GNG12: variants seen among roughly 807,000 people sequenced by gnomAD.
The protein encoded by GNG12 is guanine nucleotide-binding protein G(I)/G(S)/G(O) subunit gamma-12.
For synonymous variants in GNG12, 28 were observed against 29.7 expected (o/e 0.94, Z 0.19); for missense variants, 69 against 83.8 (o/e 0.82, Z 0.69).
In GNG12 at chr1:67,701,989, C is replaced by T. The variant is rs1375869058; in HGVS notation, c.*3462G>A. 1 of 152,696 alleles carries T rather than the reference C, an allele frequency of 6.5e-6. No individual in the cohort carries two copies. Among genetic ancestry groups the T allele is most frequent in the Admixed American group, 6.5e-5 (1 of 15,282 alleles). The allele number at this position is 152,696 out of a possible 1,614,324, so 9.5% of individuals were successfully genotyped here. On this transcript the variant is annotated 3_prime_UTR_variant, in exon 4 of 4. Coordinates refer to ENST00000370982, the MANE Select transcript of GNG12 (RefSeq NM_018841.6). ...CCAAGGCATCTGGGAACAGGAAGGG[C>T]TCTCAGCCATCATCTACTGCAGCCA... is the stretch of plus-strand genomic sequence containing the variant.
intron 1 of GNG12, among the ~76,000 whole-genome samples, chr1:67,793,392 T>C (rs546658887): frequency 6.6e-6 from 1 of 152,236 alleles, no homozygotes; most frequent in South Asian, 2.1e-4. Flanking sequence ...TGTATTTCTT[T>C]AAAGCTTAAA....
At chr1:67,767,243 T>G (rs1646645991) in intron 2 of GNG12, among the ~76,000 whole-genome samples, 1 of 152,166 alleles carries the variant, frequency 6.6e-6, no homozygotes, top group South Asian at 2.1e-4. Context: ...ATGTCACGTG[T>G]GCTGGCTCTG....
intron 1 of GNG12, among the ~76,000 whole-genome samples, chr1:67,794,997 C>A (rs746869280): frequency 6.6e-6 from 1 of 152,140 alleles, no homozygotes; most frequent in African/African-American, 2.4e-5. Flanking sequence ...ACAGAAAATA[C>A]GATACCCATT....
chr1:67,788,351 G>A (rs535168759), intron 1 of GNG12, among the ~76,000 whole-genome samples: 2 of 152,048 alleles, frequency 1.3e-5, no homozygotes, highest in East Asian at 3.9e-4. Context: ...GTTTTGTTTT[G>A]AGACAGTGTC....
intron 2 of GNG12, among the ~76,000 whole-genome samples, chr1:67,723,083 G>A (rs536514922): frequency 5.3e-5 from 8 of 152,280 alleles, no homozygotes; most frequent in African/African-American, 1.9e-4. Flanking sequence ...TAGTGCATGA[G>A]ATTTCAAACA....
At chr1:67,744,916 G>A (rs572714793) in intron 2 of GNG12, among the ~76,000 whole-genome samples, 2 of 152,316 alleles carry the variant, frequency 1.3e-5, no homozygotes, top group African/African-American at 4.8e-5. Flanking sequence ...TTCACAGGCT[G>A]GAGCCAGAAT....
At chr1:67,805,755 A>G (rs1479086019) in intron 1 of GNG12, among the ~76,000 whole-genome samples, 1 of 152,112 alleles carries the variant, frequency 6.6e-6, no homozygotes, top group Non-Finnish European at 1.5e-5. Context: ...TAATGACTGA[A>G]AATTCCCCCA....
chr1:67,741,618 G>C (rs569200497), intron 2 of GNG12, among the ~76,000 whole-genome samples: 1 of 152,164 alleles, frequency 6.6e-6, no homozygotes. Flanking sequence ...CCATCTTTGA[G>C]TCTATAACAA....
chr1:67,756,870 C>T (rs1163766833), intron 2 of GNG12, among the ~76,000 whole-genome samples: 2 of 152,156 alleles, frequency 1.3e-5, no homozygotes, highest in South Asian at 2.1e-4. Context: ...TTCTCTGTAC[C>T]AGGGCTTCTC....
At chr1:67,805,136 T>C (rs187451346) in intron 1 of GNG12, among the ~76,000 whole-genome samples, 1 of 152,316 alleles carries the variant, frequency 6.6e-6, no homozygotes, top group Non-Finnish European at 1.5e-5. Context: ...GGGCAGCACT[T>C]GTGAGTTCAT....
At chr1:67,791,069 AG>A (rs1570551948) in intron 1 of GNG12, among the ~76,000 whole-genome samples, 1 of 152,148 alleles carries the variant, frequency 6.6e-6, no homozygotes, top group East Asian at 1.9e-4. Context: ...GCTCAGGGGA[AG>A]GGTAACACAA....
At chr1:67,734,080 A>G (rs1333696795) in intron 2 of GNG12, among the ~76,000 whole-genome samples, 2 of 152,032 alleles carry the variant, frequency 1.3e-5, no homozygotes, top group African/African-American at 4.8e-5. Flanking sequence ...CTTTTTGCAG[A>G]TTCTGCCGGG....
chr1:67,752,035 G>C (rs1646541676), intron 2 of GNG12, among the ~76,000 whole-genome samples: 1 of 152,212 alleles, frequency 6.6e-6, no homozygotes, highest in Non-Finnish European at 1.5e-5. Flanking sequence ...AGAAACTGCA[G>C]TCCCTTCCCT....
intron 1 of GNG12, among the ~76,000 whole-genome samples, chr1:67,778,103 TA>T (rs1313041470): frequency 6.7e-6 from 1 of 148,986 alleles, no homozygotes; most frequent in African/African-American, 2.4e-5. Flanking sequence ...TATTATATAT[TA>T]ATTATAACTA....
At chr1:67,822,756 G>A (rs1006770630) in intron 1 of GNG12, among the ~76,000 whole-genome samples, 1 of 151,518 alleles carries the variant, frequency 6.6e-6, no homozygotes, top group Non-Finnish European at 1.5e-5. Context: ...TTTTGATGGA[G>A]ATATAGGCTA....
chr1:67,738,619 A>G (rs541423219), intron 2 of GNG12, among the ~76,000 whole-genome samples: 105 of 152,288 alleles, frequency 6.9e-4, no homozygotes, highest in African/African-American at 2.5e-3. Context: ...ATGGTAGCTC[A>G]CACCCACAAT....
intron 2 of GNG12, among the ~76,000 whole-genome samples, chr1:67,772,164 A>T (rs1438630105): frequency 1.3e-5 from 2 of 152,198 alleles, no homozygotes; most frequent in African/African-American, 4.8e-5. Context: ...TTTCTCCAAC[A>T]AAAAAAGTGC....
chr1:67,760,595 C>T (rs568750473), intron 2 of GNG12, among the ~76,000 whole-genome samples: 18 of 152,244 alleles, frequency 1.2e-4, no homozygotes, highest in African/African-American at 4.1e-4. Context: ...AGAAATGAAG[C>T]GACTTGCCTA....
At chr1:67,799,223 G>C (rs1403883675) in intron 1 of GNG12, among the ~76,000 whole-genome samples, 1 of 152,128 alleles carries the variant, frequency 6.6e-6, no homozygotes, top group Non-Finnish European at 1.5e-5. Flanking sequence ...TGTTGTTCGA[G>C]GGTCAACTAT....
Sources: gnomAD v4.1 joint callset for allele counts (sites outside exome capture counted in the v4.1 genomes callset) on GRCh38, gnomAD v4.1.1 for gene constraint, MANE v1.5 for transcripts, NCBI Gene and HGNC (gene_info 2026-07-23, HGNC 2026-07-21) for gene names.